Variants in MYB observed in about 807,000 individuals in gnomAD.
MYB encodes the protein MYB proto-oncogene, transcription factor, also known as transcriptional activator Myb.
MYB carries 28 observed loss-of-function variants against 92.9 expected under a neutral mutation model. The observed-to-expected ratio is 0.30, with a 90% CI of 0.22 to 0.41. The LOEUF is 0.41. Among genes scored for constraint, MYB ranks in the 10% least tolerant of loss-of-function variants. The pLI is 1.00. For synonymous variants in MYB, 295 were observed against 329.1 expected, an observed-to-expected ratio of 0.90 and a Z score of 1.12; for missense variants, 679 against 929.3, an observed-to-expected ratio of 0.73 and a Z score of 3.50.
chr6:135,211,985 A>G (rs946187465), intron 15 of MYB, among the ~76,000 whole-genome samples: 4 of 152,202 alleles, frequency 2.6e-5, no homozygotes, highest in African/African-American at 7.2e-5. Context: ...TCCAAAGACA[A>G]CTAAAGATTT....
At chr6:135,194,291 C>T (rs879053041) in intron 7 of MYB, 65 bp from the exon 8 acceptor site, 54 of 1,233,556 alleles carry the variant, frequency 4.4e-5, no homozygotes, top group Non-Finnish European at 6.0e-5. Flanking sequence ...ATATTGGCTA[C>T]ACCCATTGTA....
intron 15 of MYB, among the ~76,000 whole-genome samples, chr6:135,210,855 C>T (rs569047265): frequency 6.6e-6 from 1 of 152,296 alleles, no homozygotes; most frequent in Non-Finnish European, 1.5e-5. Context: ...GCCACATAGT[C>T]CCTGTCCTTG....
Position 135,193,922 on chromosome 6 carries a change from AGATCATT to A in MYB, c.843+12_843+18del. The A allele has an allele frequency of 1.3e-6, 2 of 1,592,602 alleles. No individual in the cohort carries two copies. Among genetic ancestry groups the A allele is most frequent in the Non-Finnish European group, 1.7e-6 (2 of 1,160,554 alleles). The stretch of plus-strand genomic sequence containing the variant: ...GCCAGCTGCCGCAGCCATTCAGGTA[AGATCATT>A]GATCATTCACTGTTCAAAGCACCAC... On this transcript the variant is annotated splice_donor_5th_base_variant and intron_variant, in intron 7 of 15. Transcript: ENST00000341911.
In MYB at chr6:135,194,379, T is replaced by C; in HGVS notation, c.867T>C (p.Pro289=). 2 of 1,613,270 alleles carry C rather than the reference T, an allele frequency of 1.2e-6. No homozygotes were observed. The highest frequency in any genetic ancestry group is 1.3e-5 in the African/African-American group (1 of 74,960). ...AGAGACACTATAATGATGAAGACCC[T>C]GAGAAGGAAAAGCGAATAAAGGAAT... ...AIQRHYNDED[P]EKEKRIKELE... Residue 289 remains proline, a synonymous_variant, in exon 8 of 16, where the codon CCT becomes CCC. Coordinates refer to ENST00000341911, the MANE Select transcript of MYB (RefSeq NM_001130173.2).
At chr6:135,193,978 C>G in intron 7 of MYB, 60 bp downstream of exon 7, 1 of 1,303,176 alleles carries the variant, frequency 7.7e-7, no homozygotes, top group Non-Finnish European at 1.1e-6. Context: ...TTATTTCTTT[C>G]ATCTAAACAC....
chr6:135,186,647 T>A lies in MYB; in HGVS notation c.141+627T>A, dbSNP rs868175510. Among the ~76,000 whole-genome samples, 10 of 152,366 alleles carry A rather than the reference T, an allele frequency of 6.6e-5. No homozygotes were observed. In the South Asian group the frequency reaches 1.7e-3, roughly 25 times the overall value. On this transcript the variant is annotated intron_variant, in intron 2 of 15. Coordinates refer to ENST00000341911, the MANE Select transcript of MYB (RefSeq NM_001130173.2). ...CTTTTTACAGTGTATTGATTTAATA[T>A]CCTTGATATACTTAACAGAGCCATC...
chr6:135,213,085 A>G (rs562303507), intron 15 of MYB, among the ~76,000 whole-genome samples: 1 of 152,130 alleles, frequency 6.6e-6, no homozygotes, highest in African/African-American at 2.4e-5. Context: ...CCTGGTGCAG[A>G]AAAGGAGCTG....
In MYB at chr6:135,181,369, C is replaced by G; in HGVS notation, c.-145C>G. The G allele has an allele frequency of 3.1e-6, 1 of 327,800 alleles. No homozygotes were observed. The highest frequency in any genetic ancestry group is 2.2e-5 in the African/African-American group (1 of 44,686). The allele number at this position is 327,800 out of a possible 1,614,324, so 20.3% of individuals were successfully genotyped here. On this transcript the variant is annotated 5_prime_UTR_variant, in exon 1 of 16. Transcript: ENST00000341911. This position sits in a 1 kb window ranked among gnomAD's most constrained non-coding sequence, Gnocchi z 5.3. ...TCCTCCTCCTCCGTGACCTCCTCCT[C>G]CTCTTTCTCCTGAGAAACTTCGCCC...
chr6:135,196,149 T>C, intron 9 of MYB, 147 bp downstream of exon 9: 6 of 884,682 alleles, frequency 6.8e-6, no homozygotes, highest in Non-Finnish European at 1.0e-5. Flanking sequence ...TTCATGAATA[T>C]GTTTTTTCAA....
intron 13 of MYB, among the ~76,000 whole-genome samples, chr6:135,200,922 C>CA (rs1206264494): frequency 6.6e-6 from 1 of 151,768 alleles, no homozygotes; most frequent in African/African-American, 2.4e-5. Flanking sequence ...ACTAAAAATA[C>CA]AAAAAAATTA....
chr6:135,211,666 C>T lies in MYB; in HGVS notation c.2170-6198C>T, dbSNP rs17064305. The stretch of plus-strand genomic sequence containing the variant: ...GATATAAACTTAGAAAGTCTATCAA[C>T]GTGAAAGGTGAAGAGACCTCTAGAG... On this transcript the variant is annotated intron_variant, in intron 15 of 15. Coordinates refer to ENST00000341911, the MANE Select transcript of MYB (RefSeq NM_001130173.2). Among the ~76,000 whole-genome samples, 615 of 152,238 alleles carry T rather than the reference C, an allele frequency of 4.0e-3. 4 individuals carry two copies. The highest frequency in any genetic ancestry group is 0.014 in the African/African-American group (593 of 41,540).
At chr6:135,186,961 G>C (rs1775998420) in intron 2 of MYB, among the ~76,000 whole-genome samples, 2 of 152,180 alleles carry the variant, frequency 1.3e-5, no homozygotes, top group Admixed American at 6.5e-5. Context: ...AGGATTCCCA[G>C]AGAGGCCCAT....
intron 8 of MYB, 66 bp from the exon 9 acceptor site, chr6:135,195,682 A>G: frequency 6.4e-7 from 1 of 1,560,936 alleles, no homozygotes; most frequent in Non-Finnish European, 8.8e-7. Context: ...GTGCAACTTC[A>G]TTGCTAAGTT....
At chr6:135,194,037 G>A in intron 7 of MYB, 119 bp downstream of exon 7, 1 of 776,198 alleles carries the variant, frequency 1.3e-6, no homozygotes, top group Non-Finnish European at 2.1e-6. Flanking sequence ...AACATGGAGA[G>A]GAGAGCAGAG....
chr6:135,183,091 A>G (rs1180298082), intron 1 of MYB, among the ~76,000 whole-genome samples: 1 of 136,752 alleles, frequency 7.3e-6, no homozygotes, highest in Non-Finnish European at 1.5e-5. Context: ...GAGGCGCGGC[A>G]GCGGCTCCGC....
intron 14 of MYB, chr6:135,202,787 G>T: frequency 2.6e-6 from 1 of 389,902 alleles, no homozygotes; most frequent in Non-Finnish European, 5.0e-6. Context: ...AACTCAGAAG[G>T]TCTTGTTCTA....
intron 15 of MYB, 61 bp downstream of exon 15, chr6:135,203,385 G>C: frequency 8.3e-7 from 1 of 1,201,276 alleles, no homozygotes; most frequent in Non-Finnish European, 1.2e-6. Flanking sequence ...GTCATCTTTG[G>C]TGGTGGTGGT....
chr6:135,215,647 C>T (rs1193247376), intron 15 of MYB, among the ~76,000 whole-genome samples: 1 of 152,116 alleles, frequency 6.6e-6, no homozygotes, highest in East Asian at 1.9e-4. Flanking sequence ...CTTTCTTTCT[C>T]AGCCCTCCCC....
chr6:135,189,939 T>C, intron 4 of MYB, 56 bp downstream of exon 4: 3 of 1,527,214 alleles, frequency 2.0e-6, no homozygotes, highest in African/African-American at 2.7e-5. Flanking sequence ...CCCAAAATGC[T>C]AATATTTTCC....
Sources: allele counts gnomAD v4.1 joint callset (sites outside exome capture counted in the v4.1 genomes callset), GRCh38; gene constraint gnomAD v4.1.1; non-coding constraint Gnocchi (gnomAD v3.1); transcripts MANE v1.5; gene names NCBI Gene and HGNC (gene_info 2026-07-23, HGNC 2026-07-21).